Variants in CAMK4 observed in about 807,000 individuals in gnomAD.
CAMK4 encodes calcium/calmodulin-dependent protein kinase type IV.
Under a neutral mutation model 44.9 loss-of-function variants are expected in CAMK4, and 22 were observed. The observed-to-expected ratio is 0.49, with a 90% CI of 0.35 to 0.70. The LOEUF (loss-of-function observed/expected upper bound fraction) is 0.70, where lower values mean the gene tolerates loss of function less well. CAMK4 is among the 30% of genes least tolerant of loss of function. The pLI is 0.01. For synonymous variants in CAMK4, 218 were observed against 215.4 expected (o/e 1.01, Z -0.11); for missense variants, 498 against 586.8 (o/e 0.85, Z 1.56).
chr5:111,419,278 T>G (rs956574735), intron 5 of CAMK4, among the ~76,000 whole-genome samples: 1 of 152,236 alleles, frequency 6.6e-6, no homozygotes, highest in African/African-American at 2.4e-5. Context: ...TCGCCCACTT[T>G]TTGATGGGGT....
At chr5:111,380,514 C>G (rs1270907814) in intron 4 of CAMK4, among the ~76,000 whole-genome samples, 1 of 152,120 alleles carries the variant, frequency 6.6e-6, no homozygotes, top group African/African-American at 2.4e-5. Context: ...TCCATTCTCC[C>G]AATTTCCACC....
intron 2 of CAMK4, among the ~76,000 whole-genome samples, chr5:111,357,625 G>C (rs995322417): frequency 3.3e-5 from 5 of 151,952 alleles, no homozygotes; most frequent in Admixed American, 6.6e-5. Flanking sequence ...CTAGAAGAGG[G>C]GAAATGAACT....
intron 1 of CAMK4, among the ~76,000 whole-genome samples, chr5:111,293,221 A>G (rs896128858): frequency 9.2e-5 from 14 of 152,150 alleles, no homozygotes; most frequent in Admixed American, 1.3e-4. Context: ...CGTGTCATAC[A>G]TTGTTCTGGA....
chr5:111,317,945 A>AGGCTATTT (rs1258180987), intron 1 of CAMK4, among the ~76,000 whole-genome samples: 1 of 145,662 alleles, frequency 6.9e-6, no homozygotes, highest in Non-Finnish European at 1.5e-5. Context: ...CAGGATTAAA[A>AGGCTATTT]GGCTATTTTT....
intron 5 of CAMK4, among the ~76,000 whole-genome samples, chr5:111,419,226 C>T (rs12656750): frequency 0.35 from 52,353 of 151,674 alleles, 9,789 homozygotes; most frequent in Middle Eastern, 0.48. Context: ...TGTCTTTTGG[C>T]TGCATAAATA....
intron 6 of CAMK4, among the ~76,000 whole-genome samples, chr5:111,448,084 A>T (rs1042180077): frequency 6.6e-6 from 1 of 152,228 alleles, no homozygotes; most frequent in African/African-American, 2.4e-5. Flanking sequence ...AATGGAATTC[A>T]TTCTGCACCT....
rs116362091 is a variant in CAMK4 at position 111,264,779 on chromosome 5, C to T, written c.161+40135C>T. Among the ~76,000 whole-genome samples, 204 of 152,250 alleles carry T rather than the reference C, an allele frequency of 1.3e-3. 1 individual carries two copies. Among genetic ancestry groups the T allele is most frequent in the South Asian group, 8.5e-3 (41 of 4,818 alleles). On this transcript the variant is annotated intron_variant, in intron 1 of 10. Transcript: ENST00000282356. Reference sequence around the variant, plus strand: ...TCTCTTTTGGCAGGTACTCAAGCAGCATAGGTGGTGTTTTGCAGTCTTGGC... The same window carrying T: ...TCTCTTTTGGCAGGTACTCAAGCAGTATAGGTGGTGTTTTGCAGTCTTGGC...
At chr5:111,395,814 A>G (rs941373026) in intron 5 of CAMK4, among the ~76,000 whole-genome samples, 12 of 152,168 alleles carry the variant, frequency 7.9e-5, no homozygotes, top group Admixed American at 6.5e-4. Flanking sequence ...TCATTTATTG[A>G]ATATGAAACC....
intron 1 of CAMK4, among the ~76,000 whole-genome samples, chr5:111,293,583 CG>C (rs1352165064): frequency 1.3e-5 from 2 of 151,204 alleles, no homozygotes; most frequent in African/African-American, 4.9e-5. Context: ...CCCGCCACCA[CG>C]TCCAGCTAAT....
chr5:111,315,563 A>G (rs547857369), intron 1 of CAMK4, among the ~76,000 whole-genome samples: 20 of 152,154 alleles, frequency 1.3e-4, no homozygotes, highest in Non-Finnish European at 2.5e-4. Context: ...TTTAATCATC[A>G]CGACAATCTT....
chr5:111,246,514 A>G (rs1749246717), intron 1 of CAMK4, among the ~76,000 whole-genome samples: 1 of 152,132 alleles, frequency 6.6e-6, no homozygotes, highest in Non-Finnish European at 1.5e-5. Context: ...CTTGGTACAG[A>G]TTTATTTCTC....
At chr5:111,265,728 A>G (rs570413371) in intron 1 of CAMK4, 11 of 152,360 alleles carry the variant, frequency 7.2e-5, no homozygotes, top group East Asian at 3.9e-4. Flanking sequence ...TGAAAATTCT[A>G]TAAAAGAGGC....
rs563362972 is a variant in CAMK4 at position 111,357,542 on chromosome 5, A to G, written c.240+13440A>G. Among the ~76,000 whole-genome samples the G allele has an allele frequency of 9.2e-5, 8 of 87,018 alleles. 1 individual carries two copies. Among genetic ancestry groups the G allele is most frequent in the Non-Finnish European group, 1.7e-4 (7 of 42,014 alleles). 57.1% of individuals were successfully genotyped at this position (87,018 alleles called of 152,430 possible). ...TTGAATGGTGGCCAGAGTTGCATATATCCAGTCACTGTAAACAGGACGAAA... is the reference window on the plus strand; with the variant it reads ...TTGAATGGTGGCCAGAGTTGCATATGTCCAGTCACTGTAAACAGGACGAAA... On this transcript the variant is annotated intron_variant, in intron 2 of 10. Transcript: ENST00000282356.
Position 111,348,821 on chromosome 5 carries a change from A to G in CAMK4, c.240+4719A>G, listed in dbSNP as rs1041255847. Among the ~76,000 whole-genome samples, 47 of 152,090 alleles carry G rather than the reference A, an allele frequency of 3.1e-4. 1 individual carries two copies. The highest frequency in any genetic ancestry group is 1.1e-3 in the African/African-American group (46 of 41,460). ...AATTCAACATTGAGACCCTGTTCGC[A>G]TAATTGAGCATTTCTTCTGGCTATT... On this transcript the variant is annotated intron_variant, in intron 2 of 10. Coordinates refer to ENST00000282356, the MANE Select transcript of CAMK4 (RefSeq NM_001744.6).
At position 111,250,722 on chromosome 5, in the gene CAMK4, T is replaced by A. The variant is rs1468160261; in HGVS notation, c.161+26078T>A. ...TCAGTTTTCCATTCTCCATCACCACTATGATCTTTTCTGACATCCATTTAT... is the reference window on the plus strand; with the variant it reads ...TCAGTTTTCCATTCTCCATCACCACAATGATCTTTTCTGACATCCATTTAT... On this transcript the variant is annotated intron_variant, in intron 1 of 10. Coordinates refer to ENST00000282356, the MANE Select transcript of CAMK4 (RefSeq NM_001744.6). Among the ~76,000 whole-genome samples the A allele has an allele frequency of 2.0e-5, 3 of 152,344 alleles. No individual in the cohort carries two copies. In the East Asian group the frequency reaches 5.8e-4, roughly 29 times the overall value.
chr5:111,420,633 A>C (rs1752991693), intron 5 of CAMK4, among the ~76,000 whole-genome samples: 1 of 152,142 alleles, frequency 6.6e-6, no homozygotes, highest in African/African-American at 2.4e-5. Flanking sequence ...CTCGACCATA[A>C]AAGACAGGCA....
At chr5:111,380,461 A>G (rs1373456309) in intron 4 of CAMK4, among the ~76,000 whole-genome samples, 1 of 152,088 alleles carries the variant, frequency 6.6e-6, no homozygotes, top group Non-Finnish European at 1.5e-5. Context: ...CCAAATATTA[A>G]ATCTAATATC....
intron 2 of CAMK4, among the ~76,000 whole-genome samples, chr5:111,359,153 C>A (rs1037752944): frequency 2.6e-5 from 4 of 152,084 alleles, no homozygotes; most frequent in African/African-American, 9.7e-5. Flanking sequence ...GAGTTCCTTT[C>A]TACAATGGTT....
intron 2 of CAMK4, among the ~76,000 whole-genome samples, chr5:111,346,315 A>G (rs1223571138): frequency 1.3e-5 from 2 of 152,040 alleles, no homozygotes; most frequent in Non-Finnish European, 2.9e-5. Flanking sequence ...AAGCTCAACC[A>G]CATAAAATTG....
Sources: allele counts gnomAD v4.1 joint callset (sites outside exome capture counted in the v4.1 genomes callset), GRCh38; gene constraint gnomAD v4.1.1; transcripts MANE v1.5; gene names NCBI Gene and HGNC (gene_info 2026-07-23, HGNC 2026-07-21).